CNTNAP2: variants seen among roughly 807,000 people sequenced by gnomAD.
CNTNAP2 encodes the protein contactin associated protein 2, also known as contactin-associated protein-like 2.
CNTNAP2 carries 98 observed loss-of-function variants against 155.2 expected under a neutral mutation model. The ratio of observed to expected loss-of-function variants is 0.63; its 90% CI spans 0.54 to 0.75. CNTNAP2 has a LOEUF of 0.75. CNTNAP2 is among the 30% of genes least tolerant of loss of function. The pLI is 0.00. For missense variants in CNTNAP2, 1,727 were observed against 1,688.1 expected, an observed-to-expected ratio of 1.02 and a Z score of -0.40; for synonymous variants, 651 against 631.2, an observed-to-expected ratio of 1.03 and a Z score of -0.47.
intron 1 of CNTNAP2, among the ~76,000 whole-genome samples, chr7:146,539,605 G>A (rs138085523): frequency 4.0e-4 from 61 of 152,162 alleles, no homozygotes; most frequent in African/African-American, 1.4e-3. Flanking sequence ...ATCTTATGGA[G>A]CAGTGCTGTT....
At chr7:147,462,874 G>A (rs542698475) in intron 10 of CNTNAP2, among the ~76,000 whole-genome samples, 1 of 152,274 alleles carries the variant, frequency 6.6e-6, no homozygotes, top group South Asian at 2.1e-4. Context: ...CGCCTCCCGG[G>A]TTCACGTGGG....
intron 1 of CNTNAP2, among the ~76,000 whole-genome samples, chr7:146,211,830 T>A (rs1042181109): frequency 6.6e-6 from 1 of 152,090 alleles, no homozygotes; most frequent in African/African-American, 2.4e-5. Context: ...GTAATGCTAT[T>A]AAGGAAAGAA....
chr7:147,248,136 C>A (rs1804108588), intron 8 of CNTNAP2, among the ~76,000 whole-genome samples: 1 of 151,992 alleles, frequency 6.6e-6, no homozygotes, highest in South Asian at 2.1e-4. Flanking sequence ...ACATTGGAAC[C>A]AAAACTGCTT....
At chr7:146,985,852 G>A (rs947556975) in intron 3 of CNTNAP2, among the ~76,000 whole-genome samples, 1 of 152,054 alleles carries the variant, frequency 6.6e-6, no homozygotes, top group Non-Finnish European at 1.5e-5. Context: ...CAATTGTTAA[G>A]TGTGTCCAAA....
At chr7:146,555,534 C>G (rs1391008467) in intron 1 of CNTNAP2, among the ~76,000 whole-genome samples, 1 of 147,002 alleles carries the variant, frequency 6.8e-6, no homozygotes, top group East Asian at 2.1e-4. Flanking sequence ...ATCTATCTAT[C>G]TATCTATGCG....
At chr7:147,020,815 C>T (rs34443580) in intron 3 of CNTNAP2, among the ~76,000 whole-genome samples, 7,231 of 152,130 alleles carry the variant, frequency 0.048, 200 homozygotes, top group African/African-American at 0.074. Flanking sequence ...TTCATCCCAG[C>T]ATAAATCCAG....
At chr7:146,391,674 GGTTTT>G (rs1795546021) in intron 1 of CNTNAP2, among the ~76,000 whole-genome samples, 3 of 152,088 alleles carry the variant, frequency 2.0e-5, no homozygotes, top group Non-Finnish European at 4.4e-5. Flanking sequence ...TGTGGTATTT[GGTTTT>G]CTGTTCCCGC....
At chr7:147,375,682 C>T (rs1474892806) in intron 9 of CNTNAP2, among the ~76,000 whole-genome samples, 2 of 152,032 alleles carry the variant, frequency 1.3e-5, no homozygotes, top group Non-Finnish European at 2.9e-5. Context: ...GATACCTCTC[C>T]CCACAAGTAC....
intron 10 of CNTNAP2, among the ~76,000 whole-genome samples, chr7:147,428,811 C>T (rs981643210): frequency 6.6e-6 from 1 of 152,060 alleles, no homozygotes; most frequent in African/African-American, 2.4e-5. Flanking sequence ...TTTTTGGGAA[C>T]AGGTGGTGTT....
chr7:146,374,005 T>G (rs2129103325), intron 1 of CNTNAP2, among the ~76,000 whole-genome samples: 1 of 152,302 alleles, frequency 6.6e-6, no homozygotes, highest in South Asian at 2.1e-4. Context: ...GGTCCAAGGA[T>G]ATATTTCATT....
chr7:146,528,249 A>G (rs1797719725), intron 1 of CNTNAP2, among the ~76,000 whole-genome samples: 1 of 152,166 alleles, frequency 6.6e-6, no homozygotes, highest in Admixed American at 6.6e-5. Context: ...AAATTTGTAA[A>G]GATGGGTTGG....
At chr7:147,619,473 C>G (rs1370908822) in intron 12 of CNTNAP2, among the ~76,000 whole-genome samples, 1 of 152,162 alleles carries the variant, frequency 6.6e-6, no homozygotes, top group Non-Finnish European at 1.5e-5. Flanking sequence ...GAGTCCCGGA[C>G]CAGGCAGTAT....
In CNTNAP2 at chr7:147,258,695, C is replaced by T. The variant is rs533860834; in HGVS notation, c.1349-41446C>T. 1.4e-3 allele frequency among the ~76,000 whole-genome samples: 209 copies of T among 152,140 alleles called. 4 individuals are homozygous for T. The highest frequency in any genetic ancestry group is 1.6e-3 in the Non-Finnish European group (108 of 68,014). Reference sequence around the variant, plus strand: ...ACATCGAGATGATCCAATGTAAACTCTGTTTTGTTGATGCGGAAACTGAGG... The same window carrying T: ...ACATCGAGATGATCCAATGTAAACTTTGTTTTGTTGATGCGGAAACTGAGG... On this transcript the variant is annotated intron_variant, in intron 8 of 23. Coordinates refer to ENST00000361727, the MANE Select transcript of CNTNAP2 (RefSeq NM_014141.6).
intron 13 of CNTNAP2, among the ~76,000 whole-genome samples, chr7:147,834,559 A>G (rs2116641237): frequency 6.6e-6 from 1 of 152,206 alleles, no homozygotes; most frequent in East Asian, 1.9e-4. Flanking sequence ...CTGACAGACT[A>G]ATGTTTCTGG....
intron 11 of CNTNAP2, among the ~76,000 whole-genome samples, chr7:147,528,699 AC>A (rs1799374198): frequency 6.6e-6 from 1 of 152,200 alleles, no homozygotes; most frequent in Non-Finnish European, 1.5e-5. Context: ...GTTGGCCCAC[AC>A]ATGAGAGGGA....
intron 1 of CNTNAP2, among the ~76,000 whole-genome samples, chr7:146,757,579 T>C (rs184311896): frequency 6.6e-6 from 1 of 152,292 alleles, no homozygotes; most frequent in Admixed American, 6.5e-5. Context: ...TTTCTCCTGC[T>C]TTACAAATGG....
intron 21 of CNTNAP2, among the ~76,000 whole-genome samples, chr7:148,300,895 G>T (rs1236924135): frequency 1.3e-5 from 2 of 152,094 alleles, no homozygotes; most frequent in Non-Finnish European, 2.9e-5. Context: ...TGTTTAATGG[G>T]TATAGAGTTT....
intron 4 of CNTNAP2, among the ~76,000 whole-genome samples, chr7:147,107,289 GAA>G (rs1484862140): frequency 6.6e-6 from 1 of 152,036 alleles, no homozygotes; most frequent in Non-Finnish European, 1.5e-5. Flanking sequence ...TTTCTGGTGT[GAA>G]ATAAATAGTA....
chr7:147,804,554 G>T (rs851669), intron 13 of CNTNAP2, among the ~76,000 whole-genome samples: 52,305 of 124,792 alleles, frequency 0.42, 9,710 homozygotes, highest in African/African-American at 0.61. Context: ...TTGTTTTTTT[G>T]TTTGTTTGTT....
Sources: allele counts gnomAD v4.1 joint callset (sites outside exome capture counted in the v4.1 genomes callset), GRCh38; gene constraint gnomAD v4.1.1; transcripts MANE v1.5; gene names NCBI Gene and HGNC (gene_info 2026-07-23, HGNC 2026-07-21).